Variants in DACT3 observed in about 807,000 individuals in gnomAD.
DACT3 encodes the protein dapper homolog 3.
DACT3 carries 5 observed loss-of-function variants against 19.6 expected under a neutral mutation model. The ratio of observed to expected loss-of-function variants is 0.26; its 90% confidence interval spans 0.13 to 0.54. The LOEUF is 0.54. Ranked by LOEUF, DACT3 falls within the 20% of genes least tolerant of loss-of-function variation. DACT3 has a pLI of 0.95. For missense variants in DACT3, 908 were observed against 927.4 expected (o/e 0.98, Z 0.27); for synonymous variants, 454 against 428.1 (o/e 1.06, Z -0.75).
intron 1 of DACT3, chr19:46,653,938 T>A: frequency 1.0e-6 from 1 of 973,724 alleles, no homozygotes; most frequent in Non-Finnish European, 1.2e-6. Context: ...CTTCCTTAAG[T>A]CCTTCCTGCT....
rs2053072928 is a variant in DACT3, at chr19:46,661,114, C to A, written c.-50G>T. ...GGCCGGGCCCCGCGGCCACCCCTCT[C>A]CCGGTCCCACCTCCCCGCCCCAGCA... is the stretch of plus-strand genomic sequence containing the variant. On this transcript the variant is annotated 5_prime_UTR_variant, in exon 1 of 4. Coordinates refer to ENST00000391916, the MANE Select transcript of DACT3 (RefSeq NM_145056.3). 7.4e-7 allele frequency: 1 copy of A among 1,357,024 alleles called. No individual in the cohort carries two copies. The highest frequency in any genetic ancestry group is 4.1e-5 in the Admixed American group (1 of 24,608). The allele number at this position is 1,357,024 out of a possible 1,614,324, so 84.1% of individuals were successfully genotyped here. A position where few individuals can be genotyped will look rare whatever the true frequency, so the allele number is the denominator to read the frequency against.
At chr19:46,656,608 T>G (rs1049950098) in intron 1 of DACT3, among the ~76,000 whole-genome samples, 3 of 152,032 alleles carry the variant, frequency 2.0e-5, no homozygotes, top group Non-Finnish European at 2.9e-5. Flanking sequence ...CCTCGGTCTC[T>G]TAAAGTGCTG....
In DACT3 at chr19:46,660,202, C is replaced by T. The variant is rs1208359941; in HGVS notation, c.249+614G>A. Among the ~76,000 whole-genome samples, 1 of 152,150 alleles carries T rather than the reference C, an allele frequency of 6.6e-6. No individual in the cohort carries two copies. Among genetic ancestry groups the T allele is most frequent in the African/African-American group, 2.4e-5 (1 of 41,432 alleles). On this transcript the variant is annotated intron_variant, in intron 1 of 3. Transcript: ENST00000391916. The surrounding 1 kb of genome is among the most constrained non-coding windows in gnomAD (Gnocchi z 4.9). ...CAGGTAGGAAGCAGGGGAAGTGTCACCAAAGGGTCAAGATCCCAGTGGGGG... is the reference window on the plus strand; with the variant it reads ...CAGGTAGGAAGCAGGGGAAGTGTCATCAAAGGGTCAAGATCCCAGTGGGGG...
At chr19:46,659,533 A>T in intron 1 of DACT3, 1 of 791,004 alleles carries the variant, frequency 1.3e-6, no homozygotes, top group Non-Finnish European at 1.5e-6. Context: ...TAACTTTGGG[A>T]GGGGGTGGGG....
intron 3 of DACT3, 130 bp from the exon 4 acceptor site, chr19:46,650,002 C>G (rs113218437): frequency 9.2e-7 from 1 of 1,083,750 alleles, no homozygotes; most frequent in African/African-American, 1.7e-5. Context: ...GCAGCAAAAA[C>G]CCTGCTCTCA....
At chr19:46,655,123 G>T (rs1481475584) in intron 1 of DACT3, 6 of 936,656 alleles carry the variant, frequency 6.4e-6, no homozygotes, top group Non-Finnish European at 7.6e-6. Flanking sequence ...GCCTGGCCTT[G>T]CCACCGTCCC....
At chr19:46,656,824 T>C (rs2053037317) in intron 1 of DACT3, among the ~76,000 whole-genome samples, 1 of 152,140 alleles carries the variant, frequency 6.6e-6, no homozygotes, top group Non-Finnish European at 1.5e-5. Flanking sequence ...CAGAATTACC[T>C]GGAGGGCTTG....
At chr19:46,656,045 A>ATTTATTTG (rs1164418173) in intron 1 of DACT3, among the ~76,000 whole-genome samples, 142 of 124,202 alleles carry the variant, frequency 1.1e-3, no homozygotes, top group African/African-American at 4.6e-3. Flanking sequence ...TATGAAATTT[A>ATTTATTTG]TTTATTTATT....
At chr19:46,658,818 A>G (rs1028620455) in intron 1 of DACT3, among the ~76,000 whole-genome samples, 10 of 151,884 alleles carry the variant, frequency 6.6e-5, no homozygotes, top group Admixed American at 2.6e-4. Context: ...ATTTATCTCT[A>G]TTAGGAAGTC....
At chr19:46,656,401 G>A (rs182580817) in intron 1 of DACT3, among the ~76,000 whole-genome samples, 2 of 152,122 alleles carry the variant, frequency 1.3e-5, no homozygotes, top group African/African-American at 4.8e-5. Context: ...AGGCTGGACT[G>A]CAGTGGCACG....
chr19:46,648,271 G>C lies in DACT3; in HGVS notation c.*211C>G, dbSNP rs1039795985. The C allele has an allele frequency of 7.9e-6, 6 of 760,798 alleles. No individual in the cohort carries two copies. In the African/African-American group the frequency reaches 8.8e-5, roughly 11 times the overall value. The allele number at this position is 760,798 out of a possible 1,614,324, so 47.1% of individuals were successfully genotyped here. A position where few individuals can be genotyped will look rare whatever the true frequency, so the allele number is the denominator to read the frequency against. ...TTGCCCAAGGGCTTCCAAGCTAGAA[G>C]CTGAACTGGGTCAAACAGGGCTCCT... On this transcript the variant is annotated 3_prime_UTR_variant, in exon 4 of 4. Coordinates refer to ENST00000391916, the MANE Select transcript of DACT3 (RefSeq NM_145056.3). The surrounding 1 kb of genome is among the most constrained non-coding windows in gnomAD (Gnocchi z 5.1).
At chr19:46,655,921 CTCTCTATATATA>C (rs968044469) in intron 1 of DACT3, among the ~76,000 whole-genome samples, 8 of 108,640 alleles carry the variant, frequency 7.4e-5, no homozygotes, top group African/African-American at 2.3e-4. Context: ...CTCTCTCTCT[CTCTCTATATATA>C]TATATATATA....
intron 1 of DACT3, chr19:46,659,446 G>A (rs1404161513): frequency 2.0e-6 from 2 of 983,686 alleles, no homozygotes; most frequent in Non-Finnish European, 2.4e-6. Flanking sequence ...CATTCTCCTT[G>A]TCAGGATGGA....
At position 46,652,831 on chromosome 19, in the gene DACT3, CAG is replaced by C. The variant is rs1183049294; in HGVS notation, c.347-21_347-20del. On this transcript the variant is annotated intron_variant, in intron 2 of 3. Coordinates refer to ENST00000391916, the MANE Select transcript of DACT3 (RefSeq NM_145056.3). Reference sequence around the variant, plus strand: ...TAGAAGCCTAAATTTCCAGGAGAAGCAGAGAGACTTCAGGGGGTTTGGGTGGG... The same window carrying C: ...TAGAAGCCTAAATTTCCAGGAGAAGCAGAGACTTCAGGGGGTTTGGGTGGG... 1.3e-6 allele frequency: 2 copies of C among 1,547,036 alleles called. No individual in the cohort carries two copies. Among genetic ancestry groups the C allele is most frequent in the East Asian group, 2.4e-5 (1 of 40,824 alleles).
intron 1 of DACT3, among the ~76,000 whole-genome samples, chr19:46,657,607 C>A (rs1395238661): frequency 1.3e-5 from 2 of 151,590 alleles, no homozygotes; most frequent in Non-Finnish European, 2.9e-5. Context: ...CCTGCCTCGG[C>A]CTCCCAAAGT....
chr19:46,648,805 C>G lies in DACT3; in HGVS notation c.1567G>C (p.Glu523Gln). 1 of 1,531,956 alleles carries G rather than the reference C, an allele frequency of 6.5e-7. No individual in the cohort carries two copies. The highest frequency in any genetic ancestry group is 8.7e-7 in the Non-Finnish European group (1 of 1,146,508). 94.9% of individuals were successfully genotyped at this position (1,531,956 alleles called of 1,614,324 possible). Residue 523 changes from glutamate (E) to glutamine (Q), a missense_variant, in exon 4 of 4, where the codon GAG becomes CAG. Physicochemically the swap from Glu to Gln is conservative, Grantham distance 29. Transcript: ENST00000391916. This position sits in a 1 kb window ranked among gnomAD's most constrained non-coding sequence, Gnocchi z 5.1. ...GGCCCCAGGCGCCCAGCCGAGCACTCGGAGTCGCTGCCCGCGCAGCCGTAA... is the reference window on the plus strand; with the variant it reads ...GGCCCCAGGCGCCCAGCCGAGCACTGGGAGTCGCTGCCCGCGCAGCCGTAA... ...LLYGCAGSDS[E>Q]CSAGRLGPLG...
At position 46,648,251 on chromosome 19, in the gene DACT3, C is replaced by G. The variant is rs757461279; in HGVS notation, c.*231G>C. The G allele has an allele frequency of 3.1e-5, 20 of 643,190 alleles. No individual in the cohort carries two copies. Among genetic ancestry groups the G allele is most frequent in the Non-Finnish European group, 4.7e-5 (18 of 379,666 alleles). The allele number at this position is 643,190 out of a possible 1,614,324, so 39.8% of individuals were successfully genotyped here. On this transcript the variant is annotated 3_prime_UTR_variant, in exon 4 of 4. Coordinates refer to ENST00000391916, the MANE Select transcript of DACT3 (RefSeq NM_145056.3). This position sits in a 1 kb window ranked among gnomAD's most constrained non-coding sequence, Gnocchi z 5.1. ...CCCAGAGAAGGGGAACTGTCTTGCCCAAGGGCTTCCAAGCTAGAAGCTGAA... is the reference window on the plus strand; with the variant it reads ...CCCAGAGAAGGGGAACTGTCTTGCCGAAGGGCTTCCAAGCTAGAAGCTGAA...
Position 46,648,877 on chromosome 19 carries a change from C to G in DACT3, c.1495G>C (p.Val499Leu). The G allele has an allele frequency of 3.5e-6, 5 of 1,410,090 alleles. No homozygotes were observed. Among genetic ancestry groups the G allele is most frequent in the Non-Finnish European group, 4.6e-6 (5 of 1,093,174 alleles). The allele number at this position is 1,410,090 out of a possible 1,614,324, so 87.3% of individuals were successfully genotyped here. A position where few individuals can be genotyped will look rare whatever the true frequency, so the allele number is the denominator to read the frequency against. The change falls in exon 4 of 4, where the codon GTT (valine) becomes CTT (leucine). Residue 499 changes from valine to leucine, a missense_variant. By Grantham distance (32) the Val-to-Leu change is conservative. Around this residue, in one of 2 missense-constraint regions of DACT3, gnomAD observed 656 missense variants for 601.8 expected, o/e 1.09. Coordinates refer to ENST00000391916, the MANE Select transcript of DACT3 (RefSeq NM_145056.3). The surrounding 1 kb of genome is among the most constrained non-coding windows in gnomAD (Gnocchi z 5.1). ...RVRPRAPAAR[V>L]PGPGPSPSAP... ...GACGGGGACGGGCCGGGGCCGGGAA[C>G]ACGCGCCGCAGGGGCTCGGGGCCGC...
rs2053073690 is a variant in DACT3 at position 46,661,160 on chromosome 19, G to A, written c.-96C>T. 7.9e-7 allele frequency: 1 copy of A among 1,266,930 alleles called. No homozygotes were observed. Among genetic ancestry groups the A allele is most frequent in the East Asian group, 3.2e-5 (1 of 31,354 alleles). The allele number at this position is 1,266,930 out of a possible 1,614,324, so 78.5% of individuals were successfully genotyped here. A position where few individuals can be genotyped will look rare whatever the true frequency, so the allele number is the denominator to read the frequency against. On this transcript the variant is annotated 5_prime_UTR_variant, in exon 1 of 4. Coordinates refer to ENST00000391916, the MANE Select transcript of DACT3 (RefSeq NM_145056.3). ...CAGCAGCCTGCCCGCCCGCCCGCTGGCCGGGCTGTCACCGTCTCATCTGCA... is the reference window on the plus strand; with the variant it reads ...CAGCAGCCTGCCCGCCCGCCCGCTGACCGGGCTGTCACCGTCTCATCTGCA...
Sources: gnomAD v4.1 joint callset for allele counts (sites outside exome capture counted in the v4.1 genomes callset) on GRCh38, gnomAD v4.1.1 for gene constraint, gnomAD v4.1.1 regional missense constraint, Gnocchi (gnomAD v3.1) non-coding constraint, MANE v1.5 for transcripts, NCBI Gene and HGNC (gene_info 2026-07-23, HGNC 2026-07-21) for gene names.